Variants in NCOR2 observed in about 807,000 individuals in gnomAD.
NCOR2 encodes the protein nuclear receptor corepressor 2.
A neutral mutation model predicts 262.9 loss-of-function variants in NCOR2; 81 were observed. The ratio of observed to expected loss-of-function variants is 0.31; its 90% CI spans 0.26 to 0.37. The LOEUF (loss-of-function observed/expected upper bound fraction) is 0.37. NCOR2 is among the 10% of genes least tolerant of loss of function. NCOR2 has a pLI of 1.00. For synonymous variants in NCOR2, 1,659 were observed against 1,559.3 expected, an observed-to-expected ratio of 1.06 and a Z score of -1.51; for missense variants, 3,385 against 3,621.4, an observed-to-expected ratio of 0.93 and a Z score of 1.68.
At chr12:124,521,798 G>A (rs60007858) in intron 1 of NCOR2, among the ~76,000 whole-genome samples, 15,889 of 152,152 alleles carry the variant, frequency 0.1, 1,044 homozygotes, top group East Asian at 0.16. Context: ...GCAGTGGATC[G>A]CTTGAGGCCA....
intron 16 of NCOR2, among the ~76,000 whole-genome samples, chr12:124,386,442 C>T (rs888516299): frequency 3.9e-5 from 6 of 151,996 alleles, no homozygotes; most frequent in Non-Finnish European, 8.8e-5. Flanking sequence ...GGGCCAGGAG[C>T]CTCCAGGCCC....
At position 124,523,523 on chromosome 12, in the gene NCOR2, G is replaced by A. The variant is rs2050301208; in HGVS notation, c.-118+12042C>T. On this transcript the variant is annotated intron_variant, in intron 1 of 46. Transcript: ENST00000404621. The surrounding 1 kb of genome is among the most constrained non-coding windows in gnomAD (Gnocchi z 4.0). ...GTGCCAGGGTCAGTGGGCTTCACGC[G>A]GCCTCCACTGTGCCTTACAACCGGC... is the stretch of plus-strand genomic sequence containing the variant. Among the ~76,000 whole-genome samples the A allele has an allele frequency of 6.6e-6, 1 of 151,960 alleles. No homozygotes were observed. Among genetic ancestry groups the A allele is most frequent in the Non-Finnish European group, 1.5e-5 (1 of 68,024 alleles).
intron 1 of NCOR2, among the ~76,000 whole-genome samples, chr12:124,508,608 T>C (rs1052684841): frequency 1.3e-5 from 2 of 152,164 alleles, no homozygotes; most frequent in Non-Finnish European, 2.9e-5. Flanking sequence ...CCCAGGAATG[T>C]GGCCCCCAAA....
At chr12:124,542,046 C>T (rs1015111379) in intron 1 of NCOR2, among the ~76,000 whole-genome samples, 3 of 151,736 alleles carry the variant, frequency 2.0e-5, no homozygotes, top group Admixed American at 6.6e-5. Context: ...AGCGAGGACA[C>T]CTTTGGGTCA....
intron 1 of NCOR2, among the ~76,000 whole-genome samples, chr12:124,547,697 C>A (rs1356097151): frequency 1.3e-5 from 2 of 152,202 alleles, no homozygotes; most frequent in Non-Finnish European, 2.9e-5. Context: ...CTGGCAACCA[C>A]CAATCTGCTT....
chr12:124,498,550 G>A (rs775298639), upstream of NCOR2, among the ~76,000 whole-genome samples: 25 of 152,092 alleles, frequency 1.6e-4, no homozygotes, highest in Admixed American at 3.3e-4. Flanking sequence ...AACCCCTCCC[G>A]ACCTGAGCCA....
chr12:124,326,498 G>A (rs979849969), intron 45 of NCOR2, 128 bp from the exon 48 acceptor site: 29 of 926,512 alleles, frequency 3.1e-5, no homozygotes, highest in Middle Eastern at 3.3e-4. Context: ...GAGCAGTAAC[G>A]TGAACCCCTC....
intron 5 of NCOR2, among the ~76,000 whole-genome samples, chr12:124,463,404 C>T (rs571070525): frequency 6.6e-5 from 10 of 152,372 alleles, no homozygotes; most frequent in Non-Finnish European, 1.2e-4. Context: ...CAGGCCACCC[C>T]GTCTGCTCCT....
upstream of NCOR2, among the ~76,000 whole-genome samples, chr12:124,497,073 A>T (rs2048418618): frequency 6.6e-6 from 1 of 152,176 alleles, no homozygotes; most frequent in Non-Finnish European, 1.5e-5. This position sits in a 1 kb window ranked among gnomAD's most constrained non-coding sequence, Gnocchi z 4.2. Context: ...TCATTAGGGG[A>T]GCCAGGGCAC....
chr12:124,431,189 C>T lies in NCOR2; in HGVS notation c.883-402G>A, dbSNP rs1053482374. On this transcript the variant is annotated intron_variant, in intron 8 of 46. Coordinates refer to ENST00000405201, the Ensembl canonical transcript of NCOR2. Reference sequence around the variant, plus strand: ...ACACAGATACACAAAGTCACACAGACATGCACACACAGGCACACACACATA... The same window carrying T: ...ACACAGATACACAAAGTCACACAGATATGCACACACAGGCACACACACATA... Among the ~76,000 whole-genome samples the T allele has an allele frequency of 2.0e-5, 3 of 146,738 alleles. No homozygotes were observed. The South Asian group carries it at 6.2e-4, about 30-fold the overall frequency.
rs564786296 is a variant in NCOR2, at chr12:124,371,580, C to T, written c.2807+442G>A. ...TGCCAGCAATCACGACCGCCAGCAGCGGCCAGGAGCTGGAAGAGGCGGGAT... is the reference window on the plus strand; with the variant it reads ...TGCCAGCAATCACGACCGCCAGCAGTGGCCAGGAGCTGGAAGAGGCGGGAT... On this transcript the variant is annotated intron_variant, in intron 20 of 46. Transcript: ENST00000405201. Among the ~76,000 whole-genome samples, 181 of 152,318 alleles carry T rather than the reference C, an allele frequency of 1.2e-3. 5 individuals are homozygous for T. In the South Asian group the frequency reaches 0.032, roughly 27 times the overall value.
At chr12:124,376,300 G>A (rs2039990096) in intron 18 of NCOR2, among the ~76,000 whole-genome samples, 1 of 152,212 alleles carries the variant, frequency 6.6e-6, no homozygotes, top group Non-Finnish European at 1.5e-5. Context: ...CTCTGCAAGC[G>A]ATGCGGGGGT....
At chr12:124,522,719 A>G (rs2050254226) in intron 1 of NCOR2, among the ~76,000 whole-genome samples, 1 of 152,250 alleles carries the variant, frequency 6.6e-6, no homozygotes, top group Admixed American at 6.5e-5. Context: ...GCATGCCCGG[A>G]AACACCTTTG....
exon 36 of NCOR2, chr12:124,340,294 C>G (rs2036354860): frequency 6.2e-7 from 1 of 1,610,726 alleles, no homozygotes; most frequent in Non-Finnish European, 8.5e-7. Flanking sequence ...GATGCCCTAC[C>G]AGGTCTCCAG....
At chr12:124,415,503 C>T (rs1042241074) in intron 13 of NCOR2, among the ~76,000 whole-genome samples, 1 of 152,268 alleles carries the variant, frequency 6.6e-6, no homozygotes, top group African/African-American at 2.4e-5. Context: ...GGTTGTGAAC[C>T]AGGCCTGTGG....
At chr12:124,411,109 A>G (rs937363899) in intron 13 of NCOR2, among the ~76,000 whole-genome samples, 1 of 151,470 alleles carries the variant, frequency 6.6e-6, no homozygotes, top group Non-Finnish European at 1.5e-5. Flanking sequence ...AGCTAGAGAC[A>G]GAGTTAAAAG....
chr12:124,490,784 G>A (rs2048042945), intron 1 of NCOR2, among the ~76,000 whole-genome samples: 1 of 152,220 alleles, frequency 6.6e-6, no homozygotes, highest in South Asian at 2.1e-4. Flanking sequence ...CTGCAACGTT[G>A]CCAACTGCAA....
chr12:124,455,198 CACTGA>C (rs2045774073), intron 6 of NCOR2, among the ~76,000 whole-genome samples: 1 of 152,232 alleles, frequency 6.6e-6, no homozygotes, highest in Non-Finnish European at 1.5e-5. Context: ...CACTAAAACC[CACTGA>C]ACTGGACACT....
chr12:124,335,607 G>C (rs773536997), exon 39 of NCOR2: 6 of 1,605,416 alleles, frequency 3.7e-6, no homozygotes, highest in East Asian at 4.5e-5. Context: ...CCACCCCTTC[G>C]GGGCTGTAGC....
Sources: gnomAD v4.1 joint callset for allele counts (sites outside exome capture counted in the v4.1 genomes callset) on GRCh38, gnomAD v4.1.1 for gene constraint, Gnocchi (gnomAD v3.1) non-coding constraint, MANE v1.5 for transcripts, NCBI Gene and HGNC (gene_info 2026-07-23, HGNC 2026-07-21) for gene names.